ERO1A: variants seen among roughly 807,000 people sequenced by gnomAD.
The protein encoded by ERO1A is ERO1-like protein alpha.
ERO1A carries 49 observed loss-of-function variants against 76.9 expected under a neutral mutation model. The ratio of observed to expected loss-of-function variants is 0.64; its 90% confidence interval spans 0.51 to 0.81. The LOEUF (loss-of-function observed/expected upper bound fraction) is 0.81, where lower values mean the gene tolerates loss of function less well. Ranked by LOEUF, ERO1A falls within the 30% of genes least tolerant of loss-of-function variation. ERO1A has a pLI of 0.00. For missense variants in ERO1A, 448 were observed against 542.1 expected (o/e 0.83, Z 1.72); for synonymous variants, 174 against 181.2 (o/e 0.96, Z 0.32).
In ERO1A at chr14:52,695,403, G is replaced by T; in HGVS notation, c.79C>A (p.Pro27Thr). ...LLSSGHGEEQ[P>T]PETAAQRCFC... is the part of the protein sequence containing the mutation. ...CACCTCTGTGCCGCTGTCTCCGGGG[G>T]CTGCTCCTCTCCGTGGCCCGAGCTG... Residue 27 changes from proline (P) to threonine (T), a missense_variant, in exon 1 of 16, where the codon CCC becomes ACC. Physicochemically the swap from Pro to Thr is conservative, Grantham distance 38 (BLOSUM62 -1). Transcript: ENST00000395686. 3 of 1,539,976 alleles carry T rather than the reference G, an allele frequency of 1.9e-6. No homozygotes were observed. The highest frequency in any genetic ancestry group is 1.2e-5 in the South Asian group (1 of 82,812).
intron 1 of ERO1A, among the ~76,000 whole-genome samples, chr14:52,694,367 C>T (rs2041472693): frequency 6.6e-6 from 1 of 151,980 alleles, no homozygotes; most frequent in East Asian, 1.9e-4. Context: ...AATCACTCAG[C>T]AAAACAACAA....
Position 52,694,605 on chromosome 14 carries a change from T to C in ERO1A, c.114+763A>G, listed in dbSNP as rs78912576. On this transcript the variant is annotated intron_variant, in intron 1 of 15. Transcript: ENST00000395686. ...AGTGGCTTTGACAAGAGTAATCACA[T>C]TGAAATACTAGATACTGAAGATAAT... 3.0e-3 allele frequency among the ~76,000 whole-genome samples: 462 copies of C among 152,130 alleles called. 4 individuals carry two copies. In the East Asian group the frequency reaches 0.035, roughly 11 times the overall value.
chr14:52,646,193 G>A lies in ERO1A; in HGVS notation c.1307C>T (p.Thr436Ile), dbSNP rs185471588. Residue 436 changes from threonine (T) to isoleucine (I), a missense_variant, in exon 15 of 16, where the codon ACC becomes ATC. By Grantham distance (89) the Thr-to-Ile change is moderately conservative. Transcript: ENST00000395686. ...GAATAATGATACTATTTCTTGTCTG[G>A]TTAGATGGAATTCATAACTAGGTCC... ...ESGPSYEFHL[T>I]RQEIVSLFNA... 4.7e-5 allele frequency: 76 copies of A among 1,612,684 alleles called. No individual in the cohort carries two copies. The East Asian group carries it at 1.6e-3, about 34-fold the overall frequency.
chr14:52,655,940 T>C (rs2040029054), intron 11 of ERO1A, among the ~76,000 whole-genome samples: 2 of 152,334 alleles, frequency 1.3e-5, no homozygotes, highest in South Asian at 2.1e-4. Context: ...GAAGTATATA[T>C]ACATTGTTAA....
At chr14:52,673,985 T>C (rs2040696855) in intron 4 of ERO1A, among the ~76,000 whole-genome samples, 1 of 152,258 alleles carries the variant, frequency 6.6e-6, no homozygotes, top group Admixed American at 6.5e-5. Context: ...TTATTACAAA[T>C]GCCATTTGTT....
chr14:52,675,760 G>T (rs1350674007), intron 4 of ERO1A, among the ~76,000 whole-genome samples: 1 of 151,736 alleles, frequency 6.6e-6, no homozygotes, highest in Non-Finnish European at 1.5e-5. Context: ...TCAGCCACTT[G>T]GGCAGCTGGG....
chr14:52,671,379 G>A (rs1042088407), intron 6 of ERO1A, among the ~76,000 whole-genome samples: 2 of 151,996 alleles, frequency 1.3e-5, no homozygotes, highest in Non-Finnish European at 2.9e-5. Flanking sequence ...GTAATTCTAC[G>A]TTTAGGTTTT....
intron 4 of ERO1A, among the ~76,000 whole-genome samples, chr14:52,677,077 G>C (rs184344662): frequency 1.3e-5 from 2 of 152,118 alleles, no homozygotes; most frequent in East Asian, 1.9e-4. Flanking sequence ...TGCTTTATAG[G>C]GGCTTTGGCC....
At chr14:52,676,704 A>G (rs1344325709) in intron 4 of ERO1A, among the ~76,000 whole-genome samples, 1 of 152,138 alleles carries the variant, frequency 6.6e-6, no homozygotes, top group East Asian at 1.9e-4. Flanking sequence ...GCATACACAT[A>G]TCAAATAAGA....
Position 52,663,552 on chromosome 14 carries a change from G to A in ERO1A, c.676+249C>T, listed in dbSNP as rs1411844946. 1.4e-3 allele frequency among the ~76,000 whole-genome samples: 216 copies of A among 150,100 alleles called. 2 individuals carry two copies. Among genetic ancestry groups the A allele is most frequent in the African/African-American group, 5.1e-3 (208 of 40,518 alleles). ...GAGGCGAAGTTTGCAGTGAGCCAAAGTCACGCCACTGCACTCCAGCCTGGG... is the reference window on the plus strand; with the variant it reads ...GAGGCGAAGTTTGCAGTGAGCCAAAATCACGCCACTGCACTCCAGCCTGGG... On this transcript the variant is annotated intron_variant, in intron 8 of 15. Coordinates refer to ENST00000395686, the MANE Select transcript of ERO1A (RefSeq NM_014584.3).
In ERO1A at chr14:52,666,459, A is replaced by C; in HGVS notation, c.545T>G (p.Leu182Arg). Residue 182 changes from leucine (L) to arginine (R), a missense_variant, in exon 7 of 16, where the codon CTT (leucine) becomes CGT (arginine). Coordinates refer to ENST00000395686, the MANE Select transcript of ERO1A (RefSeq NM_014584.3). ...QSPEAEYVDL[L>R]LNPERYTGYK... Reference sequence around the variant, plus strand: ...ACCAGTGTAGCGCTCAGGATTAAGAAGCAAATCTACATATTCAGCTTCAGG... The same window carrying C: ...ACCAGTGTAGCGCTCAGGATTAAGACGCAAATCTACATATTCAGCTTCAGG... 2 of 1,610,524 alleles carry C rather than the reference A, an allele frequency of 1.2e-6. No homozygotes were observed. The highest frequency in any genetic ancestry group is 2.7e-5 in the African/African-American group (2 of 74,890).
chr14:52,649,108 C>A (rs769130633), intron 13 of ERO1A, among the ~76,000 whole-genome samples: 1 of 152,128 alleles, frequency 6.6e-6, no homozygotes, highest in Non-Finnish European at 1.5e-5. Flanking sequence ...AAATCACTTA[C>A]AGATTTTCCT....
chr14:52,673,046 G>C (rs1212767261), intron 4 of ERO1A, among the ~76,000 whole-genome samples: 2 of 151,718 alleles, frequency 1.3e-5, no homozygotes, highest in Non-Finnish European at 1.5e-5. Flanking sequence ...TCTACTTTTT[G>C]TAGGTATAAA....
rs2039933992 is a variant in ERO1A, at chr14:52,653,193, C to G, written c.931G>C (p.Glu311Gln). The change falls in exon 12 of 16, where the codon GAA (glutamate) becomes CAA (glutamine). Residue 311 changes from glutamate to glutamine, a missense_variant. Physicochemically the swap from Glu to Gln is conservative, Grantham distance 29. Around this residue, in one of 2 missense-constraint regions of ERO1A, gnomAD observed 302 missense variants for 411.9 expected, o/e 0.73. Transcript: ENST00000395686. ...AACACTTTGGATAAAGCCCTTAGTT[C>G]TATTAAGTAGAGAAAATACAAGTTC... ...LKNLYFLYLI[E>Q]LRALSKVLPF... 1.2e-6 allele frequency: 2 copies of G among 1,613,398 alleles called. No individual in the cohort carries two copies. Among genetic ancestry groups the G allele is most frequent in the Non-Finnish European group, 1.7e-6 (2 of 1,179,684 alleles).
At chr14:52,653,796 A>G (rs1232948905) in intron 11 of ERO1A, among the ~76,000 whole-genome samples, 1 of 151,944 alleles carries the variant, frequency 6.6e-6, no homozygotes, top group Non-Finnish European at 1.5e-5. Context: ...CTGAGTCTTA[A>G]AATTCTGAGT....
chr14:52,645,197 A>AT (rs1451012106), intron 15 of ERO1A, among the ~76,000 whole-genome samples: 1 of 152,136 alleles, frequency 6.6e-6, no homozygotes, highest in African/African-American at 2.4e-5. Flanking sequence ...AAATAATTGG[A>AT]TAAAAAAACT....
At chr14:52,693,940 A>G (rs2041448210) in intron 1 of ERO1A, among the ~76,000 whole-genome samples, 1 of 152,224 alleles carries the variant, frequency 6.6e-6, no homozygotes, top group South Asian at 2.1e-4. Context: ...GAAAAGTTTA[A>G]TCACTAGTTA....
intron 1 of ERO1A, among the ~76,000 whole-genome samples, chr14:52,693,506 A>G (rs1340170254): frequency 6.6e-6 from 1 of 151,994 alleles, no homozygotes; most frequent in African/African-American, 2.4e-5. Flanking sequence ...CCCTTTATAT[A>G]TATATTCCAT....
At chr14:52,653,013 C>T in intron 12 of ERO1A, 56 bp downstream of exon 12, 2 of 1,289,858 alleles carry the variant, frequency 1.6e-6, no homozygotes, top group Non-Finnish European at 1.1e-6. Context: ...AAAAATTTAT[C>T]TTGTACATTA....
Sources: allele counts gnomAD v4.1 joint callset (sites outside exome capture counted in the v4.1 genomes callset), GRCh38; gene constraint gnomAD v4.1.1; regional missense constraint gnomAD v4.1.1; transcripts MANE v1.5; gene names NCBI Gene and HGNC (gene_info 2026-07-23, HGNC 2026-07-21).